Variants in PABPC4 observed in about 807,000 individuals in gnomAD.
The protein encoded by PABPC4 is poly(A) binding protein cytoplasmic 4.
A neutral mutation model predicts 74.5 loss-of-function variants in PABPC4; 15 were observed. That is an observed-to-expected ratio of 0.20 (90% CI 0.13 to 0.31). The LOEUF is 0.31. Ranked by LOEUF, PABPC4 falls within the 10% of genes least tolerant of loss-of-function variation. The pLI is 1.00. For missense variants in PABPC4, 610 were observed against 853.5 expected, an observed-to-expected ratio of 0.71 and a Z score of 3.55; for synonymous variants, 345 against 303.0, an observed-to-expected ratio of 1.14 and a Z score of -1.44.
chr1:39,563,513 C>G (rs1478643089), intron 12 of PABPC4, 101 bp downstream of exon 12: 17 of 1,384,588 alleles, frequency 1.2e-5, no homozygotes, highest in Non-Finnish European at 1.7e-5. Flanking sequence ...TAACACAGAG[C>G]AGGCATTTAA....
At chr1:39,572,344 T>A (rs772511301) in intron 2 of PABPC4, 49 bp downstream of exon 2, 1 of 1,364,736 alleles carries the variant, frequency 7.3e-7, no homozygotes, top group South Asian at 1.2e-5. Flanking sequence ...TTATCTTGTT[T>A]TCAAGAATCA....
chr1:39,572,512 C>T lies in PABPC4; in HGVS notation c.268G>A (p.Asp90Asn). Residue 90 changes from aspartate (D) to asparagine (N), a missense_variant, in exon 2 of 16, where the codon GAT becomes AAT. Physicochemically the swap from Asp to Asn is conservative, Grantham distance 23 (BLOSUM62 1). Transcript: ENST00000372858. The stretch of plus-strand genomic sequence containing the variant: ...ACACCAGATTTTCTCAAAGAGGGAT[C>T]CCTCTGAGACCACATGATGCGGATT... The part of the protein sequence containing the change: ...KPIRIMWSQR[D>N]PSLRKSGVGN... 6.2e-7 allele frequency: 1 copy of T among 1,614,054 alleles called. No homozygotes were observed. Among genetic ancestry groups the T allele is most frequent in the Non-Finnish European group, 8.5e-7 (1 of 1,179,928 alleles).
rs1304955653 is a variant in PABPC4, at chr1:39,572,408, G to A, written c.372C>T (p.Asn124=). 1.9e-6 allele frequency: 3 copies of A among 1,611,518 alleles called. No homozygotes were observed. ...CAATGTTTACCTTGCAGGACAGTAT[G>A]TTTCCAAAAGCAGAAAAAGTATCAT... The part of the protein sequence containing the change: ...ALYDTFSAFG[N]ILSCKVVCDE... Residue 124 remains asparagine, a synonymous_variant, in exon 2 of 16, where the codon AAC becomes AAT. Coordinates refer to ENST00000372858, the MANE Select transcript of PABPC4 (RefSeq NM_001135653.2).
At chr1:39,573,450 T>C (rs1484237256) in intron 1 of PABPC4, among the ~76,000 whole-genome samples, 1 of 152,158 alleles carries the variant, frequency 6.6e-6, no homozygotes, top group Non-Finnish European at 1.5e-5. Context: ...CTCAACCAAC[T>C]TCCCCATCCA....
At chr1:39,575,500 A>C (rs1034575216) in intron 1 of PABPC4, among the ~76,000 whole-genome samples, 5 of 152,222 alleles carry the variant, frequency 3.3e-5, no homozygotes, top group African/African-American at 1.2e-4. Context: ...CCTGTTTTAC[A>C]GTCTCCTTGG....
chr1:39,563,258 G>C (rs980580970), intron 12 of PABPC4: 15 of 221,068 alleles, frequency 6.8e-5, no homozygotes, highest in Non-Finnish European at 1.3e-4. Context: ...GTTATTTCCT[G>C]CATTAATGTA....
intron 12 of PABPC4, chr1:39,562,764 G>C (rs536079706): frequency 2.5e-4 from 53 of 210,752 alleles, no homozygotes; most frequent in Non-Finnish European, 4.5e-4. Flanking sequence ...ATAAATAAGG[G>C]TAAACACTTG....
chr1:39,561,118 G>A lies in PABPC4; in HGVS notation c.*18C>T. On this transcript the variant is annotated 3_prime_UTR_variant, in exon 16 of 16. Transcript: ENST00000372858. ...TTCCATAAGGGGTTATTTGGCTTTT[G>A]AATCCTGTAAAGAAAAGCACCAACA... 4.2e-6 allele frequency: 2 copies of A among 470,666 alleles called. No individual in the cohort carries two copies. The highest frequency in any genetic ancestry group is 2.0e-5 in the African/African-American group (1 of 50,182). The allele number at this position is 470,666 out of a possible 1,614,324, so 29.2% of individuals were successfully genotyped here.
intron 8 of PABPC4, 141 bp downstream of exon 8, chr1:39,564,964 TG>T: frequency 1.0e-6 from 1 of 980,514 alleles, no homozygotes; most frequent in Non-Finnish European, 1.5e-6. Flanking sequence ...TTTGTGACCA[TG>T]GGTAAGTCCT....
At position 39,576,143 on chromosome 1, in the gene PABPC4, C is replaced by A; in HGVS notation, c.-192G>T. ...GGAGGCGGGGGCCGGCTCCCACGGC[C>A]GCAGCACCGCAGACAAAAGGCTCTC... On this transcript the variant is annotated 5_prime_UTR_variant, in exon 1 of 16. Coordinates refer to ENST00000372858, the MANE Select transcript of PABPC4 (RefSeq NM_001135653.2). 2.0e-6 allele frequency: 1 copy of A among 506,900 alleles called. No homozygotes were observed. Among genetic ancestry groups the A allele is most frequent in the Non-Finnish European group, 3.5e-6 (1 of 287,206 alleles). The allele number at this position is 506,900 out of a possible 1,614,324, so 31.4% of individuals were successfully genotyped here.
chr1:39,575,763 G>T lies in PABPC4; in HGVS notation c.189C>A (p.Ala63=). The change falls in exon 1 of 16, where the codon GCC becomes GCA. Residue 63 remains alanine (A), a synonymous_variant. Coordinates refer to ENST00000372858, the MANE Select transcript of PABPC4 (RefSeq NM_001135653.2). ...GYAYVNFQQP[A]DAERALDTMN... ...GTGGGCACAGCTTCTACTCACCGTC[G>T]GCCGGCTGCTGGAAGTTGACGTAGG... The T allele has an allele frequency of 3.8e-6, 6 of 1,591,278 alleles. No homozygotes were observed. The highest frequency in any genetic ancestry group is 5.1e-6 in the Non-Finnish European group (6 of 1,167,282).
intron 10 of PABPC4, 61 bp downstream of exon 10, chr1:39,564,362 G>C: frequency 6.3e-7 from 1 of 1,591,210 alleles, no homozygotes; most frequent in Non-Finnish European, 8.6e-7. Context: ...ACCCAGGACA[G>C]AGCCTAGTCA....
At chr1:39,574,401 T>A (rs1645986739) in intron 1 of PABPC4, among the ~76,000 whole-genome samples, 1 of 152,264 alleles carries the variant, frequency 6.6e-6, no homozygotes, top group African/African-American at 2.4e-5. Context: ...CAAATCTGGC[T>A]GCACTTATTT....
At position 39,576,673 on chromosome 1, in the gene PABPC4, C is replaced by CT. The variant is rs906922777; in HGVS notation, c.-723dup. The CT allele has an allele frequency of 1.1e-3, 165 of 144,980 alleles. No homozygotes were observed. The highest frequency in any genetic ancestry group is 1.7e-3 in the Admixed American group (25 of 14,630). 9.0% of individuals were successfully genotyped at this position (144,980 alleles called of 1,614,324 possible). On this transcript the variant is annotated 5_prime_UTR_variant, in exon 1 of 16. Transcript: ENST00000372858. The stretch of plus-strand genomic sequence containing the variant: ...CTCCGAGGATTCGTTTTTTCTTTTC[C>CT]TTTTTTTTTTTCAGGATTTTGAAGC...
chr1:39,567,719 C>T (rs1282260743), intron 7 of PABPC4, 32 bp downstream of exon 7: 2 of 1,049,892 alleles, frequency 1.9e-6, no homozygotes, highest in Non-Finnish European at 1.5e-6. Context: ...TGGAATACCA[C>T]TGCTTTCAAT....
At chr1:39,567,424 T>C in intron 7 of PABPC4, 1 of 533,458 alleles carries the variant, frequency 1.9e-6, no homozygotes, top group Non-Finnish European at 3.7e-6. Context: ...GAAAACAACC[T>C]GTCTGGATTT....
chr1:39,562,589 G>C, intron 12 of PABPC4, 173 bp from the exon 13 acceptor site: 2 of 572,726 alleles, frequency 3.5e-6, no homozygotes, highest in Non-Finnish European at 6.2e-6. Context: ...GTGTGTTGAG[G>C]AACAGAGTGG....
intron 3 of PABPC4, 31 bp downstream of exon 3, chr1:39,571,203 G>T: frequency 6.2e-7 from 1 of 1,613,496 alleles, no homozygotes; most frequent in Non-Finnish European, 8.5e-7. Context: ...TGGCTCATGC[G>T]ATGGTTGTTG....
rs967617492 is a variant in PABPC4, at chr1:39,564,967, G to A, written c.1245+139C>T. ...TGTGGGTGTGTGTTTGTGACCATGG[G>A]TAAGTCCTTCATTTTTACTTGAAGG... On this transcript the variant is annotated intron_variant, in intron 8 of 15. Coordinates refer to ENST00000372858, the MANE Select transcript of PABPC4 (RefSeq NM_001135653.2). 29 of 1,000,146 alleles carry A rather than the reference G, an allele frequency of 2.9e-5. No homozygotes were observed. The African/African-American group carries it at 4.2e-4, about 14-fold the overall frequency. 62.0% of individuals were successfully genotyped at this position (1,000,146 alleles called of 1,614,324 possible).
Sources: allele counts gnomAD v4.1 joint callset (sites outside exome capture counted in the v4.1 genomes callset), GRCh38; gene constraint gnomAD v4.1.1; transcripts MANE v1.5; gene names NCBI Gene and HGNC (gene_info 2026-07-23, HGNC 2026-07-21).